The following TMEM59 variants were observed in gnomAD, a reference collection of about 807,000 sequenced individuals.
TMEM59 encodes the protein dendritic cell factor 1.
In TMEM59, 44 loss-of-function variants were observed where a neutral mutation model predicts 42.2. The observed-to-expected ratio is 1.04, with a 90% CI of 0.82 to 1.34. TMEM59 has a LOEUF of 1.34. Among genes scored for constraint, TMEM59 ranks in the 40% most tolerant of loss-of-function variants. TMEM59 has a pLI of 0.00. For missense variants in TMEM59, 359 were observed against 382.8 expected (o/e 0.94, Z 0.52); for synonymous variants, 148 against 145.8 (o/e 1.02, Z -0.11).
chr1:54,052,962 C>A, intron 1 of TMEM59, 38 bp downstream of exon 1: 1 of 1,577,416 alleles, frequency 6.3e-7, no homozygotes, highest in Non-Finnish European at 8.6e-7. Context: ...AAATGGGCTG[C>A]AAGGGAAGGG....
chr1:54,040,895 A>T, intron 5 of TMEM59, 58 bp from the exon 6 acceptor site: 1 of 1,347,088 alleles, frequency 7.4e-7, no homozygotes, highest in Non-Finnish European at 1.1e-6. Flanking sequence ...CTAGTCTCAC[A>T]TGACTACTTC....
intron 4 of TMEM59, among the ~76,000 whole-genome samples, chr1:54,042,010 T>C (rs1224018217): frequency 6.6e-6 from 1 of 151,900 alleles, no homozygotes; most frequent in Non-Finnish European, 1.5e-5. Context: ...GAAACAGATT[T>C]CTGGCAGATT....
chr1:54,043,413 A>T lies in TMEM59; in HGVS notation c.503T>A (p.Phe168Tyr). ...AQSFITSSWTFYLQADDGKIV... is the reference protein window; with the variant it reads ...AQSFITSSWTYYLQADDGKIV... ...TTTTCCGTCATCGGCTTGAAGATAA[A>T]AAGTCCATGAAGAGGTTATGAAGCT... The change falls in exon 4 of 8, where the codon TTT (phenylalanine) becomes TAT (tyrosine). Residue 168 changes from phenylalanine (F) to tyrosine (Y), a missense_variant. Physicochemically the swap from Phe to Tyr is conservative, Grantham distance 22. Transcript: ENST00000234831. 1 of 1,567,852 alleles carries T rather than the reference A, an allele frequency of 6.4e-7. No individual in the cohort carries two copies. Among genetic ancestry groups the T allele is most frequent in the Non-Finnish European group, 8.6e-7 (1 of 1,158,708 alleles).
chr1:54,032,424 TAAGA>T (rs1656795243), intron 7 of TMEM59, 119 bp from the exon 8 acceptor site: 2 of 1,014,456 alleles, frequency 2.0e-6, no homozygotes, highest in Non-Finnish European at 2.7e-6. Flanking sequence ...TAAACAACTT[TAAGA>T]AAGAAGAATA....
intron 1 of TMEM59, chr1:54,048,633 G>A: frequency 2.4e-6 from 1 of 423,270 alleles, no homozygotes; most frequent in Non-Finnish European, 4.9e-6. Context: ...GCATATGGGG[G>A]AGCCCCCTCG....
In TMEM59 at chr1:54,040,838, C is replaced by T. The variant is rs754431466; in HGVS notation, c.626-1G>A. 2 of 1,613,224 alleles carry T rather than the reference C, an allele frequency of 1.2e-6. No individual in the cohort carries two copies. The highest frequency in any genetic ancestry group is 2.2e-5 in the East Asian group (1 of 44,768). ...GCTTGTGAATTTCTCATTTGCAGAT[C>T]TGCTGAAATAGTAAGTATGAGTTTA... On this transcript the variant is annotated splice_acceptor_variant, in intron 5 of 7. Coordinates refer to ENST00000234831, the MANE Select transcript of TMEM59 (RefSeq NM_004872.5). LOFTEE classifies it high-confidence loss of function.
Position 54,053,010 on chromosome 1 carries a change from G to A in TMEM59, c.179C>T (p.Thr60Ile). ...CCGGACGGGCCCTACCTTAGGGTAG[G>A]TGTGCAAGGGGTAGGTCAACTGACA... Reference protein sequence around the residue: ...RACQLTYPLHTYPKEEELYAC... With the variant: ...RACQLTYPLHIYPKEEELYAC... Residue 60 changes from threonine (T) to isoleucine (I), a missense_variant, in exon 1 of 8, where the codon ACC becomes ATC. Physicochemically the swap from Thr to Ile is moderately conservative, Grantham distance 89. Coordinates refer to ENST00000234831, the MANE Select transcript of TMEM59 (RefSeq NM_004872.5). 2 of 1,613,776 alleles carry A rather than the reference G, an allele frequency of 1.2e-6. No individual in the cohort carries two copies. The highest frequency in any genetic ancestry group is 1.7e-6 in the Non-Finnish European group (2 of 1,179,792).
intron 1 of TMEM59, among the ~76,000 whole-genome samples, chr1:54,051,736 T>C (rs1377461592): frequency 6.6e-6 from 1 of 152,182 alleles, no homozygotes; most frequent in African/African-American, 2.4e-5. Flanking sequence ...AAAAATAACG[T>C]GGTTAGAAGC....
In TMEM59 at chr1:54,029,815, T is replaced by G. The variant is rs1421287638; in HGVS notation, c.*2335A>C. ...TCAATCTTTATCACTGTACGTACCC[T>G]GACCCTAGACTCTAGTGTAGAACAA... On this transcript the variant is annotated 3_prime_UTR_variant, in exon 8 of 8. Coordinates refer to ENST00000234831, the MANE Select transcript of TMEM59 (RefSeq NM_004872.5). 6.6e-6 allele frequency: 1 copy of G among 152,152 alleles called. No individual in the cohort carries two copies. Among genetic ancestry groups the G allele is most frequent in the African/African-American group, 2.4e-5 (1 of 41,432 alleles). 9.4% of individuals were successfully genotyped at this position (152,152 alleles called of 1,614,324 possible).
At chr1:54,050,566 CTTT>C (rs1553168062) in intron 1 of TMEM59, among the ~76,000 whole-genome samples, 9 of 141,346 alleles carry the variant, frequency 6.4e-5, no homozygotes, top group East Asian at 2.1e-4. Context: ...AAATATGTTT[CTTT>C]TTTTTTTTTT....
chr1:54,048,290 C>G (rs1458748830), intron 1 of TMEM59, among the ~76,000 whole-genome samples: 1 of 152,142 alleles, frequency 6.6e-6, no homozygotes, highest in Non-Finnish European at 1.5e-5. Flanking sequence ...TAGATCAAAC[C>G]TTTTGGGTGA....
chr1:54,036,910 T>C, intron 6 of TMEM59, 192 bp from the exon 7 acceptor site: 1 of 352,528 alleles, frequency 2.8e-6, no homozygotes, highest in Non-Finnish European at 5.2e-6. Flanking sequence ...TGGCATAAAG[T>C]CTTTTTCCTC....
Position 54,040,752 on chromosome 1 carries a change from A to T in TMEM59, c.707+4T>A, listed in dbSNP as rs1229360525. ...TTATACACATAATAAAGAGGAATAC[A>T]TACAGAGAGAGGCATCTTAAAAAGC... On this transcript the variant is annotated splice_donor_region_variant and intron_variant, in intron 6 of 7. Coordinates refer to ENST00000234831, the MANE Select transcript of TMEM59 (RefSeq NM_004872.5). The T allele has an allele frequency of 6.2e-7, 1 of 1,609,260 alleles. No individual in the cohort carries two copies. The highest frequency in any genetic ancestry group is 8.5e-7 in the Non-Finnish European group (1 of 1,175,678).
intron 3 of TMEM59, chr1:54,044,747 A>G (rs769602180): frequency 5.9e-5 from 9 of 152,204 alleles, no homozygotes; most frequent in Non-Finnish European, 1.2e-4. Flanking sequence ...ATCATTTACA[A>G]AAGAAAAAGA....
chr1:54,032,100 G>T lies in TMEM59; in HGVS notation c.*50C>A, dbSNP rs752422115. 1 of 1,526,048 alleles carries T rather than the reference G, an allele frequency of 6.6e-7. No homozygotes were observed. The highest frequency in any genetic ancestry group is 1.3e-5 in the South Asian group (1 of 78,176). 94.5% of individuals were successfully genotyped at this position (1,526,048 alleles called of 1,614,324 possible). On this transcript the variant is annotated 3_prime_UTR_variant, in exon 8 of 8. Coordinates refer to ENST00000234831, the MANE Select transcript of TMEM59 (RefSeq NM_004872.5). The stretch of plus-strand genomic sequence containing the variant: ...TGAAACCATTTTAAAAGCTCTATGA[G>T]GAGTGGAATTTTAGATGTCTATTAC...
chr1:54,036,615 A>G lies in TMEM59; in HGVS notation c.811T>C (p.Ser271Pro), dbSNP rs1451734912. ...VATAVEQYVP[S>P]EKLSIYGDLE... is the part of the protein sequence containing the mutation. ...ATGGTAAGAATTAAATTTACCTCAG[A>G]GGGAACATACTGCTCCACAGCTGTA... Residue 271 changes from serine (S) to proline (P), a missense_variant, in exon 7 of 8, where the codon TCT becomes CCT. By Grantham distance (74) the Ser-to-Pro change is moderately conservative (BLOSUM62 -1). Transcript: ENST00000234831. The G allele has an allele frequency of 6.3e-7, 1 of 1,599,854 alleles. No homozygotes were observed. The highest frequency in any genetic ancestry group is 8.5e-7 in the Non-Finnish European group (1 of 1,173,418).
At chr1:54,052,867 A>G (rs998471341) in intron 1 of TMEM59, 133 bp downstream of exon 1, 15 of 1,016,486 alleles carry the variant, frequency 1.5e-5, no homozygotes, top group Non-Finnish European at 2.2e-5. Context: ...GGAGGAAAAC[A>G]GGAGCTACAC....
At chr1:54,033,184 C>T (rs1246086291) in intron 7 of TMEM59, 1 of 150,598 alleles carries the variant, frequency 6.6e-6, no homozygotes, top group East Asian at 2.0e-4. Context: ...TGGTCTCAGA[C>T]TCCTGGCCTC....
chr1:54,048,141 C>T (rs1657405425), intron 1 of TMEM59: 1 of 152,088 alleles, frequency 6.6e-6, no homozygotes, highest in Non-Finnish European at 1.5e-5. Flanking sequence ...CAAATGGTGA[C>T]ACAAGGGCCT....
Sources: allele counts gnomAD v4.1 joint callset (sites outside exome capture counted in the v4.1 genomes callset), GRCh38; gene constraint gnomAD v4.1.1; transcripts MANE v1.5; gene names NCBI Gene and HGNC (gene_info 2026-07-23, HGNC 2026-07-21).